LRRC18: variants seen among roughly 807,000 people sequenced by gnomAD.
LRRC18 encodes leucine-rich repeat-containing protein 18.
In LRRC18, 12 loss-of-function variants were observed where a neutral mutation model predicts 11.2. That is an observed-to-expected ratio of 1.07 (90% confidence interval 0.69 to 1.74). LRRC18 has a LOEUF of 1.74. LRRC18 is among the 40% of genes most tolerant of loss of function. The probability of loss-of-function intolerance (pLI) is 0.00; values close to 1 mark genes in which losing one functional copy is unlikely to be tolerated. For missense variants in LRRC18, 374 were observed against 330.5 expected, an observed-to-expected ratio of 1.13 and a Z score of -1.02; for synonymous variants, 155 against 130.6, an observed-to-expected ratio of 1.19 and a Z score of -1.27.
the LRRC18 span, among the ~76,000 whole-genome samples, chr10:48,925,542 G>A: frequency 2.0e-5 from 3 of 152,166 alleles, no homozygotes; most frequent in Admixed American, 6.5e-5. Flanking sequence ...TTCCTTGGGG[G>A]TATAAACATA....
chr10:48,923,510 A>G, the LRRC18 span, among the ~76,000 whole-genome samples: 1 of 146,820 alleles, frequency 6.8e-6, no homozygotes, highest in African/African-American at 2.5e-5. Flanking sequence ...ATATATATAT[A>G]TATGTCCCAA....
the LRRC18 span, among the ~76,000 whole-genome samples, chr10:48,933,041 G>A: frequency 2.0e-5 from 3 of 152,160 alleles, no homozygotes; most frequent in Non-Finnish European, 4.4e-5. Context: ...GCAGAGGCAG[G>A]GAAGGAGAGT....
At chr10:48,910,142 C>T in exon 2 of LRRC18, 1 of 1,196,600 alleles carries the variant, frequency 8.4e-7, no homozygotes, top group Non-Finnish European at 1.2e-6. Flanking sequence ...GAACATCTCA[C>T]TTGCCACTCT....
At chr10:48,916,217 G>C (rs958117774), upstream of LRRC18, among the ~76,000 whole-genome samples, 1 of 152,130 alleles carries the variant, frequency 6.6e-6, no homozygotes, top group Non-Finnish European at 1.5e-5. Context: ...TCTTGGCTTG[G>C]ACTCAAGGGC....
At chr10:48,932,456 A>G in the LRRC18 span, 3 of 152,242 alleles carry the variant, frequency 2.0e-5, no homozygotes, top group Non-Finnish European at 4.4e-5. Flanking sequence ...AATAATAGCT[A>G]CTTACAGATA....
the LRRC18 span, among the ~76,000 whole-genome samples, chr10:48,927,882 C>G: frequency 2.6e-5 from 4 of 152,162 alleles, no homozygotes; most frequent in African/African-American, 4.8e-5. Flanking sequence ...GGAATAAGCA[C>G]CTTACAATTA....
chr10:48,914,358 C>A, upstream of LRRC18: 1 of 583,828 alleles, frequency 1.7e-6, no homozygotes, highest in Non-Finnish European at 3.0e-6. Context: ...GAAGTCAGGG[C>A]AAAGTGGACC....
the LRRC18 span, among the ~76,000 whole-genome samples, chr10:48,928,353 C>CAT: frequency 8.0e-6 from 1 of 124,960 alleles, no homozygotes; most frequent in Non-Finnish European, 1.7e-5. Context: ...TTGGTTTTGA[C>CAT]GTGTGTGTGT....
chr10:48,932,867 C>T, the LRRC18 span, among the ~76,000 whole-genome samples: 2 of 151,968 alleles, frequency 1.3e-5, no homozygotes, highest in Non-Finnish European at 2.9e-5. Flanking sequence ...GAAGAAGCCA[C>T]ATGGAAGGAT....
the LRRC18 span, among the ~76,000 whole-genome samples, chr10:48,923,986 T>C: frequency 2.0e-5 from 3 of 152,156 alleles, no homozygotes; most frequent in Non-Finnish European, 4.4e-5. Context: ...CTCCCAGCTC[T>C]GATGAATGGT....
At chr10:48,937,038 C>T in the LRRC18 span, among the ~76,000 whole-genome samples, 1 of 151,638 alleles carries the variant, frequency 6.6e-6, no homozygotes, top group East Asian at 2.0e-4. Flanking sequence ...GGATTACAGG[C>T]ACCCACCACC....
At chr10:48,915,701 C>T (rs1453317182), upstream of LRRC18, among the ~76,000 whole-genome samples, 7 of 152,344 alleles carry the variant, frequency 4.6e-5, no homozygotes, top group East Asian at 1.2e-3. Flanking sequence ...TGTCACCACT[C>T]ATAGCTGAAG....
chr10:48,932,668 G>C, the LRRC18 span: 1 of 150,940 alleles, frequency 6.6e-6, no homozygotes, highest in East Asian at 1.9e-4. Context: ...GAGGGAGAGA[G>C]AGAGAAAAAA....
upstream of LRRC18, among the ~76,000 whole-genome samples, chr10:48,915,423 T>A (rs200373296): frequency 9.7e-3 from 1,473 of 151,376 alleles, 15 homozygotes; most frequent in East Asian, 0.03. Flanking sequence ...GCTGATTTTT[T>A]TTTTTGGACC....
the LRRC18 span, among the ~76,000 whole-genome samples, chr10:48,925,923 T>TA: frequency 6.6e-6 from 1 of 152,142 alleles, no homozygotes; most frequent in Non-Finnish European, 1.5e-5. Context: ...TATCTTATAG[T>TA]AAAATATTTT....
At chr10:48,919,176 T>TAA (rs1232822993), upstream of LRRC18, among the ~76,000 whole-genome samples, 1 of 147,780 alleles carries the variant, frequency 6.8e-6, no homozygotes, top group Non-Finnish European at 1.5e-5. Context: ...ACTGACAATT[T>TAA]AAAAAAAAAA....
the LRRC18 span, among the ~76,000 whole-genome samples, chr10:48,923,496 G>GTATTTATATATATATATA: frequency 4.7e-5 from 3 of 63,206 alleles, no homozygotes; most frequent in Non-Finnish European, 1.3e-4. Flanking sequence ...ATAGTTTTTA[G>GTATTTATATATATATATA]TATATATATA....
At chr10:48,912,806 C>T (rs1213721825) in intron 1 of LRRC18, among the ~76,000 whole-genome samples, 2 of 152,186 alleles carry the variant, frequency 1.3e-5, no homozygotes, top group African/African-American at 2.4e-5. Context: ...GCAAGTTATG[C>T]AAGCTCAGTT....
exon 1 of LRRC18, chr10:48,914,111 G>C: frequency 6.2e-7 from 1 of 1,614,168 alleles, no homozygotes; most frequent in Non-Finnish European, 8.5e-7. Flanking sequence ...TGGCCACCTT[G>C]AGGGTGATCT....
Sources: allele counts gnomAD v4.1 joint callset (sites outside exome capture counted in the v4.1 genomes callset), GRCh38; gene constraint gnomAD v4.1.1; transcripts MANE v1.5; gene names NCBI Gene and HGNC (gene_info 2026-07-23, HGNC 2026-07-21).